NNMT: variants seen among roughly 807,000 people sequenced by gnomAD.
NNMT encodes nicotinamide N-methyltransferase.
NNMT carries 10 observed loss-of-function variants against 11.7 expected under a neutral mutation model. The ratio of observed to expected loss-of-function variants is 0.85; its 90% confidence interval spans 0.53 to 1.45. NNMT has a LOEUF of 1.45. Among genes scored for constraint, NNMT ranks in the 40% most tolerant of loss-of-function variants. The pLI is 0.00. For missense variants in NNMT, 381 were observed against 319.4 expected (o/e 1.19, Z -1.47); for synonymous variants, 143 against 133.8 (o/e 1.07, Z -0.48).
chr11:114,273,088 T>G (rs944854088), intron 2 of NNMT, among the ~76,000 whole-genome samples: 1 of 152,176 alleles, frequency 6.6e-6, no homozygotes, highest in Non-Finnish European at 1.5e-5. Context: ...ACTACTGTAG[T>G]GTGGTATGTT....
rs776243737 is a variant in NNMT, at chr11:114,298,042, C to T, written c.246C>T (p.Val82=). 222 of 1,613,954 alleles carry T rather than the reference C, an allele frequency of 1.4e-4. No homozygotes were observed. The highest frequency in any genetic ancestry group is 1.8e-4 in the Non-Finnish European group (214 of 1,180,036). Residue 82 remains valine (V), a synonymous_variant, in exon 2 of 3, where the codon GTC becomes GTT. Coordinates refer to ENST00000299964, the MANE Select transcript of NNMT (RefSeq NM_006169.3). Reference sequence around the variant, plus strand: ...CTTGTGAATCCTTTAAGGAGATCGTCGTCACTGACTACTCAGACCAGAACC... The same window carrying T: ...CTTGTGAATCCTTTAAGGAGATCGTTGTCACTGACTACTCAGACCAGAACC... The part of the protein sequence containing the change: ...LSACESFKEI[V]VTDYSDQNLQ...
chr11:114,296,644 A>C lies in NNMT; in HGVS notation c.88A>C (p.Arg30=). The C allele has an allele frequency of 6.2e-7, 1 of 1,614,208 alleles. No individual in the cohort carries two copies. The highest frequency in any genetic ancestry group is 8.5e-7 in the Non-Finnish European group (1 of 1,180,028). The change falls in exon 1 of 3, where the codon AGG becomes CGG. Residue 30 remains arginine (R), a synonymous_variant. Coordinates refer to ENST00000299964, the MANE Select transcript of NNMT (RefSeq NM_006169.3). ...YLEKYYKFGS[R]HSAESQILKH... Reference sequence around the variant, plus strand: ...AGAAAAATATTACAAGTTTGGTTCTAGGCACTCTGCAGAAAGCCAGATTCT... The same window carrying C: ...AGAAAAATATTACAAGTTTGGTTCTCGGCACTCTGCAGAAAGCCAGATTCT...
At chr11:114,282,354 G>A (rs1459468227) in intron 2 of NNMT, among the ~76,000 whole-genome samples, 1 of 152,158 alleles carries the variant, frequency 6.6e-6, no homozygotes, top group Non-Finnish European at 1.5e-5. Flanking sequence ...TATTTACAGT[G>A]AATAAAACCA....
At chr11:114,264,995 T>C (rs1945109264) in intron 2 of NNMT, among the ~76,000 whole-genome samples, 1 of 152,096 alleles carries the variant, frequency 6.6e-6, no homozygotes, top group African/African-American at 2.4e-5. Flanking sequence ...ATAGGCATGA[T>C]TGATTAAGTT....
chr11:114,289,117 A>G (rs1392970522), intron 2 of NNMT, among the ~76,000 whole-genome samples: 4 of 152,158 alleles, frequency 2.6e-5, no homozygotes, highest in African/African-American at 7.2e-5. Context: ...TTCAGATTTT[A>G]TATGTGTTAT....
chr11:114,269,169 C>T (rs116542727), intron 2 of NNMT, among the ~76,000 whole-genome samples: 1,753 of 152,312 alleles, frequency 0.012, 27 homozygotes, highest in African/African-American at 0.038. Context: ...ACTCTGTGCT[C>T]TTATACATCA....
intron 1 of NNMT, among the ~76,000 whole-genome samples, chr11:114,261,790 C>T (rs1379890562): frequency 6.6e-6 from 1 of 152,180 alleles, no homozygotes; most frequent in East Asian, 1.9e-4. Flanking sequence ...TCTTTCTTGA[C>T]TTTTCTTCTC....
rs374736459 is a variant in NNMT at position 114,298,947 on chromosome 11, G to A, written c.362+789G>A. Among the ~76,000 whole-genome samples the A allele has an allele frequency of 2.6e-5, 4 of 152,174 alleles. No homozygotes were observed. In the East Asian group the frequency reaches 7.7e-4, roughly 29 times the overall value. On this transcript the variant is annotated intron_variant, in intron 2 of 2. Transcript: ENST00000299964. ...CTGATTGTCTGACAATATCCAGTCTGTTCCCCAACTGACCATTCACTCCTG... is the reference window on the plus strand; with the variant it reads ...CTGATTGTCTGACAATATCCAGTCTATTCCCCAACTGACCATTCACTCCTG...
chr11:114,291,847 A>G (rs76010388), upstream of NNMT, among the ~76,000 whole-genome samples: 1 of 152,062 alleles, frequency 6.6e-6, no homozygotes, highest in Admixed American at 6.5e-5. Flanking sequence ...TACTTAGTCA[A>G]TTCTTTATAC....
Position 114,312,503 on chromosome 11 carries a change from T to C in NNMT, c.*26T>C. On this transcript the variant is annotated 3_prime_UTR_variant, in exon 3 of 3. Coordinates refer to ENST00000299964, the MANE Select transcript of NNMT (RefSeq NM_006169.3). The stretch of plus-strand genomic sequence containing the variant: ...TGCCTGTGACCTCAATTAAAGCAAT[T>C]CCTTTGACCTGTCCAGTTGACTTTA... The C allele has an allele frequency of 6.3e-7, 1 of 1,596,014 alleles. No homozygotes were observed. The highest frequency in any genetic ancestry group is 8.5e-7 in the Non-Finnish European group (1 of 1,169,664).
intron 2 of NNMT, among the ~76,000 whole-genome samples, chr11:114,273,711 G>A (rs112121227): frequency 1.3e-5 from 2 of 152,212 alleles, no homozygotes; most frequent in Admixed American, 6.5e-5. Flanking sequence ...ATGGTGGCAC[G>A]TGCCTGTAAT....
At chr11:114,267,446 T>G (rs552563380) in intron 2 of NNMT, among the ~76,000 whole-genome samples, 1 of 152,206 alleles carries the variant, frequency 6.6e-6, no homozygotes, top group Non-Finnish European at 1.5e-5. Context: ...GAACTGTGCT[T>G]GCCACACAAT....
At chr11:114,307,755 C>A (rs1169885642) in intron 2 of NNMT, among the ~76,000 whole-genome samples, 2 of 152,042 alleles carry the variant, frequency 1.3e-5, no homozygotes, top group Admixed American at 1.3e-4. Flanking sequence ...TTTGCACTTG[C>A]GGTTTCCTCT....
chr11:114,282,785 A>G (rs1945271628), intron 2 of NNMT, among the ~76,000 whole-genome samples: 1 of 152,120 alleles, frequency 6.6e-6, no homozygotes, highest in East Asian at 1.9e-4. Context: ...TGAGTGCCGA[A>G]AGGACCACTG....
rs371003553 is a variant in NNMT at position 114,298,201 on chromosome 11, G to A, written c.362+43G>A. 8 of 1,568,750 alleles carry A rather than the reference G, an allele frequency of 5.1e-6. No homozygotes were observed. In the African/African-American group the frequency reaches 9.5e-5, roughly 19 times the overall value. On this transcript the variant is annotated intron_variant, in intron 2 of 2. Coordinates refer to ENST00000299964, the MANE Select transcript of NNMT (RefSeq NM_006169.3). Reference sequence around the variant, plus strand: ...TACTTCTTGGCTTTTGAAGGTACCTGAGTGATGGTTGGCAAAAGCAACAGA... The same window carrying A: ...TACTTCTTGGCTTTTGAAGGTACCTAAGTGATGGTTGGCAAAAGCAACAGA...
chr11:114,279,012 C>T (rs752069591), intron 2 of NNMT, among the ~76,000 whole-genome samples: 49 of 152,190 alleles, frequency 3.2e-4, no homozygotes, highest in Non-Finnish European at 6.0e-4. Context: ...ATGGACCAGC[C>T]TGGGCCACCC....
Position 114,297,994 on chromosome 11 carries a change from C to T in NNMT, c.198C>T (p.Pro66=), listed in dbSNP as rs767803371. ...TGCTGATTGACATCGGCTCTGGCCC[C>T]ACTATCTATCAGCTCCTCTCTGCTT... is the stretch of plus-strand genomic sequence containing the variant. ...GDLLIDIGSG[P]TIYQLLSACE... is the part of the protein sequence containing the mutation. Residue 66 remains proline (P), a synonymous_variant, in exon 2 of 3, where the codon CCC becomes CCT. Transcript: ENST00000299964. 4 of 1,613,548 alleles carry T rather than the reference C, an allele frequency of 2.5e-6. No individual in the cohort carries two copies. Among genetic ancestry groups the T allele is most frequent in the Non-Finnish European group, 3.4e-6 (4 of 1,180,038 alleles).
At chr11:114,287,854 C>T (rs1945309763) in intron 2 of NNMT, among the ~76,000 whole-genome samples, 4 of 152,100 alleles carry the variant, frequency 2.6e-5, no homozygotes, top group Non-Finnish European at 5.9e-5. Flanking sequence ...CATGTGGAGT[C>T]CCCCCATCCA....
chr11:114,265,219 G>C (rs1042747177), intron 2 of NNMT, among the ~76,000 whole-genome samples: 3 of 152,154 alleles, frequency 2.0e-5, no homozygotes, highest in African/African-American at 7.2e-5. Context: ...AGATTTCAAG[G>C]ATTTTAGGAG....
Sources: allele counts gnomAD v4.1 joint callset (sites outside exome capture counted in the v4.1 genomes callset), GRCh38; gene constraint gnomAD v4.1.1; transcripts MANE v1.5; gene names NCBI Gene and HGNC (gene_info 2026-07-23, HGNC 2026-07-21).